Variants in CHD1L observed in about 807,000 individuals in gnomAD.
CHD1L encodes chromodomain helicase DNA binding protein 1 like.
CHD1L carries 118 observed loss-of-function variants against 115.9 expected under a neutral mutation model. That is an observed-to-expected ratio of 1.02 (90% CI 0.88 to 1.19). The LOEUF is 1.19. CHD1L is among the 50% of genes most tolerant of loss of function. The probability of loss-of-function intolerance (pLI) is 0.00; values close to 1 mark genes in which losing one functional copy is unlikely to be tolerated. For synonymous variants in CHD1L, 411 were observed against 387.1 expected (o/e 1.06, Z -0.72); for missense variants, 1,179 against 1,065.3 (o/e 1.11, Z -1.49).
upstream of CHD1L, among the ~76,000 whole-genome samples, chr1:147,240,505 T>G (rs587689173): frequency 4.6e-5 from 7 of 152,218 alleles, no homozygotes; most frequent in African/African-American, 1.7e-4. Flanking sequence ...TCCCCCAGCC[T>G]GACACCCATA....
rs1251325658 is a variant in CHD1L, at chr1:147,254,983, A to T, written c.347+7A>T. 1 of 1,550,332 alleles carries T rather than the reference A, an allele frequency of 6.5e-7. No homozygotes were observed. On this transcript the variant is annotated splice_region_variant and intron_variant, in intron 3 of 22. Transcript: ENST00000369258. Reference sequence around the variant, plus strand: ...GGAAAGAAGAAATGCAGAGGTACAGAGTAGATGTAGCTGAAATTTTATTGT... The same window carrying T: ...GGAAAGAAGAAATGCAGAGGTACAGTGTAGATGTAGCTGAAATTTTATTGT...
intron 6 of CHD1L, among the ~76,000 whole-genome samples, chr1:147,261,799 A>G (rs1250527249): frequency 6.6e-6 from 1 of 152,202 alleles, no homozygotes; most frequent in African/African-American, 2.4e-5. Context: ...TGGGTTGCAG[A>G]TAACTAGTTG....
At chr1:147,234,340 G>A in the CHD1L span, among the ~76,000 whole-genome samples, 1 of 152,166 alleles carries the variant, frequency 6.6e-6, no homozygotes, top group Non-Finnish European at 1.5e-5. Flanking sequence ...CTGGTGTTGG[G>A]TCTGATCACC....
At chr1:147,227,190 T>A in the CHD1L span, among the ~76,000 whole-genome samples, 1 of 152,372 alleles carries the variant, frequency 6.6e-6, no homozygotes, top group East Asian at 1.9e-4. Context: ...TGTGAATTTA[T>A]ACTAAAATAG....
At chr1:147,191,290 A>C in the CHD1L span, among the ~76,000 whole-genome samples, 1 of 151,672 alleles carries the variant, frequency 6.6e-6, no homozygotes, top group Non-Finnish European at 1.5e-5. Context: ...ACTAGTTTAC[A>C]GTCCCACCAA....
chr1:147,183,120 G>A, the CHD1L span, among the ~76,000 whole-genome samples: 1 of 152,102 alleles, frequency 6.6e-6, no homozygotes, highest in Non-Finnish European at 1.5e-5. Flanking sequence ...ATGGCGTGAA[G>A]CCGGGAAGCA....
chr1:147,272,503 A>G (rs1231375283), intron 12 of CHD1L: 2 of 400,748 alleles, frequency 5.0e-6, no homozygotes, highest in Non-Finnish European at 4.4e-6. Context: ...GGTTATTGGA[A>G]AGTAATTCTA....
chr1:147,178,210 G>T, the CHD1L span: 4 of 1,613,316 alleles, frequency 2.5e-6, no homozygotes, highest in Non-Finnish European at 2.5e-6. Context: ...ACTCAGGGAC[G>T]ACAACTTGGA....
intron 1 of CHD1L, among the ~76,000 whole-genome samples, chr1:147,249,404 ATTTT>A (rs59773572): frequency 2.1e-5 from 2 of 94,174 alleles, no homozygotes; most frequent in African/African-American, 4.4e-5. Flanking sequence ...CTTGGTGTGT[ATTTT>A]TTTTTTTTTT....
the CHD1L span, chr1:147,201,247 C>G: frequency 6.2e-7 from 1 of 1,614,032 alleles, no homozygotes; most frequent in Non-Finnish European, 8.5e-7. Context: ...AAGAGTTGGC[C>G]TTTCCAGGTT....
Position 147,266,234 on chromosome 1 carries a change from G to A in CHD1L, c.895+147G>A, listed in dbSNP as rs587774630. On this transcript the variant is annotated intron_variant, in intron 8 of 22. Transcript: ENST00000369258. ...GAATAATTCTGGTCGGCTACAGTGG[G>A]ACTGTGGCAGAGCATCTTAAAGATA... is the stretch of plus-strand genomic sequence containing the variant. The A allele has an allele frequency of 3.0e-4, 215 of 709,514 alleles. 1 individual carries two copies. In the South Asian group the frequency reaches 5.2e-3, roughly 17 times the overall value. The allele number at this position is 709,514 out of a possible 1,614,324, so 44.0% of individuals were successfully genotyped here. A position where few individuals can be genotyped will look rare whatever the true frequency, so the allele number is the denominator to read the frequency against.
the CHD1L span, among the ~76,000 whole-genome samples, chr1:147,234,886 A>G: frequency 3.3e-5 from 5 of 152,214 alleles, no homozygotes; most frequent in Admixed American, 2.0e-4. Flanking sequence ...GCTTCAACTT[A>G]TATACTAGGG....
chr1:147,202,309 GTTC>G, the CHD1L span, among the ~76,000 whole-genome samples: 1 of 118,458 alleles, frequency 8.4e-6, no homozygotes, highest in African/African-American at 3.2e-5. Flanking sequence ...CTAAAAAGCA[GTTC>G]TTTTTTTTTT....
At chr1:147,248,835 A>G (rs1553935000) in intron 1 of CHD1L, among the ~76,000 whole-genome samples, 1 of 152,194 alleles carries the variant, frequency 6.6e-6, no homozygotes, top group African/African-American at 2.4e-5. Flanking sequence ...TTCCCTTTAT[A>G]TAAACATTAC....
At chr1:147,286,864 T>C (rs1420511691) in intron 18 of CHD1L, among the ~76,000 whole-genome samples, 1 of 152,212 alleles carries the variant, frequency 6.6e-6, no homozygotes, top group Non-Finnish European at 1.5e-5. Flanking sequence ...TTGTACTTTT[T>C]ACTTCATCTG....
At chr1:147,226,072 G>T in the CHD1L span, among the ~76,000 whole-genome samples, 57 of 151,482 alleles carry the variant, frequency 3.8e-4, no homozygotes, top group African/African-American at 1.3e-3. Context: ...CTAGGGCCGG[G>T]TGGTGGTGCC....
At chr1:147,295,326 ATAC>A (rs1559926066) in intron 22 of CHD1L, 102 bp from the exon 23 acceptor site, 1 of 763,260 alleles carries the variant, frequency 1.3e-6, no homozygotes, top group African/African-American at 1.7e-5. Flanking sequence ...GAATTAAAGC[ATAC>A]TACTTCTAGA....
At chr1:147,209,155 C>T in the CHD1L span, 7 of 913,822 alleles carry the variant, frequency 7.7e-6, no homozygotes, top group Non-Finnish European at 1.1e-5. Context: ...CGCGGTGGCT[C>T]ACGCCTGTAA....
the CHD1L span, chr1:147,190,147 AC>A: frequency 7.2e-7 from 1 of 1,391,266 alleles, no homozygotes; most frequent in Non-Finnish European, 1.0e-6. Flanking sequence ...TAGAAATGTA[AC>A]CATATATCTT....
Sources: gnomAD v4.1 joint callset for allele counts (sites outside exome capture counted in the v4.1 genomes callset) on GRCh38, gnomAD v4.1.1 for gene constraint, MANE v1.5 for transcripts, NCBI Gene and HGNC (gene_info 2026-07-23, HGNC 2026-07-21) for gene names.